Variants in ADAM12 observed in about 807,000 individuals in gnomAD.
ADAM12 encodes the protein disintegrin and metalloproteinase domain-containing protein 12.
A neutral mutation model predicts 106.4 loss-of-function variants in ADAM12; 70 were observed. The observed-to-expected ratio is 0.66, with a 90% CI of 0.54 to 0.80. The LOEUF (loss-of-function observed/expected upper bound fraction) is 0.80. Among genes scored for constraint, ADAM12 ranks in the 30% least tolerant of loss-of-function variants. The pLI, the probability that ADAM12 is intolerant of heterozygous loss-of-function variation, is 0.00. For missense variants in ADAM12, 1,010 were observed against 1,171.9 expected, an observed-to-expected ratio of 0.86 and a Z score of 2.02; for synonymous variants, 420 against 433.5, an observed-to-expected ratio of 0.97 and a Z score of 0.39.
intron 3 of ADAM12, among the ~76,000 whole-genome samples, chr10:126,175,183 C>T (rs1286094314): frequency 6.6e-6 from 1 of 152,158 alleles, no homozygotes; most frequent in Non-Finnish European, 1.5e-5. Context: ...CTGAACAGCA[C>T]AGCACACACG....
At chr10:126,178,070 T>G (rs1327352899) in intron 3 of ADAM12, among the ~76,000 whole-genome samples, 1 of 152,238 alleles carries the variant, frequency 6.6e-6, no homozygotes, top group Non-Finnish European at 1.5e-5. Flanking sequence ...TTTATTTATG[T>G]GATTGTTGAT....
rs368333320 is a variant in ADAM12, at chr10:126,094,826, G to C, written c.997-693C>G. ...GGTGTCCCGATTCTCTGACTCTTGCGGCTGGGGGTTCATTAACCTTTTGCT... is the reference window on the plus strand; with the variant it reads ...GGTGTCCCGATTCTCTGACTCTTGCCGCTGGGGGTTCATTAACCTTTTGCT... On this transcript the variant is annotated intron_variant, in intron 10 of 22. Coordinates refer to ENST00000448723, the MANE Select transcript of ADAM12 (RefSeq NM_001288973.2). Among the ~76,000 whole-genome samples the C allele has an allele frequency of 2.0e-5, 3 of 152,224 alleles. No individual in the cohort carries two copies. The East Asian group carries it at 5.8e-4, about 29-fold the overall frequency.
chr10:126,129,930 C>T (rs1482183132), intron 5 of ADAM12, among the ~76,000 whole-genome samples: 2 of 152,074 alleles, frequency 1.3e-5, no homozygotes, highest in East Asian at 1.9e-4. Flanking sequence ...TTGTTAATTC[C>T]CTCCTTCTTC....
intron 3 of ADAM12, among the ~76,000 whole-genome samples, chr10:126,260,328 T>G (rs989337220): frequency 2.6e-5 from 4 of 152,118 alleles, no homozygotes; most frequent in African/African-American, 9.7e-5. Flanking sequence ...TTCTCATAAA[T>G]CAAAAGTGGT....
chr10:126,031,476 A>G (rs1337140764), intron 21 of ADAM12, among the ~76,000 whole-genome samples: 10 of 152,174 alleles, frequency 6.6e-5, no homozygotes, highest in Non-Finnish European at 1.3e-4. Flanking sequence ...CTGATCTACA[A>G]TCGTGGCTTA....
intron 2 of ADAM12, among the ~76,000 whole-genome samples, chr10:126,316,469 A>T (rs1459385869): frequency 6.6e-6 from 1 of 152,106 alleles, no homozygotes; most frequent in Non-Finnish European, 1.5e-5. Context: ...GAGCCATTCA[A>T]CTCTAAGCCC....
At chr10:126,095,721 G>A (rs1009413415) in intron 10 of ADAM12, among the ~76,000 whole-genome samples, 1 of 151,806 alleles carries the variant, frequency 6.6e-6, no homozygotes, top group Non-Finnish European at 1.5e-5. Context: ...GTGATCCCCC[G>A]CACTGCCTTG....
rs960153831 is a variant in ADAM12, at chr10:126,015,492, G to T, written c.*1787C>A. The T allele has an allele frequency of 6.6e-6, 1 of 152,164 alleles. No individual in the cohort carries two copies. The highest frequency in any genetic ancestry group is 2.4e-5 in the African/African-American group (1 of 41,446). 9.4% of individuals were successfully genotyped at this position (152,164 alleles called of 1,614,324 possible). On this transcript the variant is annotated 3_prime_UTR_variant, in exon 23 of 23. Transcript: ENST00000448723. ...TTCCAGCATGGCTTTACATTTTAAA[G>T]AACTTAATAACTATAGAATAAACAG...
At chr10:126,266,193 C>G (rs1203974247) in intron 3 of ADAM12, among the ~76,000 whole-genome samples, 2 of 152,180 alleles carry the variant, frequency 1.3e-5, no homozygotes, top group Non-Finnish European at 2.9e-5. Flanking sequence ...TTGCACTGCA[C>G]CTCCTGGCCC....
At chr10:126,186,083 GT>G (rs1957394789) in intron 3 of ADAM12, among the ~76,000 whole-genome samples, 1 of 152,162 alleles carries the variant, frequency 6.6e-6, no homozygotes, top group South Asian at 2.1e-4. Context: ...CCTGTCCTGT[GT>G]CCCCAAGGGT....
chr10:126,215,643 C>T (rs1273879010), intron 3 of ADAM12, among the ~76,000 whole-genome samples: 13 of 152,166 alleles, frequency 8.5e-5, no homozygotes, highest in Admixed American at 8.5e-4. Flanking sequence ...AGAGAGCAGG[C>T]ACATCCATTG....
intron 2 of ADAM12, among the ~76,000 whole-genome samples, chr10:126,282,848 A>ATT (rs1959653352): frequency 6.6e-6 from 1 of 151,562 alleles, no homozygotes; most frequent in Non-Finnish European, 1.5e-5. Context: ...GTGGAAGACA[A>ATT]TTTTTCCATG....
chr10:126,296,377 C>T (rs1291400953), intron 2 of ADAM12, among the ~76,000 whole-genome samples: 1 of 152,148 alleles, frequency 6.6e-6, no homozygotes, highest in Non-Finnish European at 1.5e-5. Flanking sequence ...TCAAGCGATC[C>T]TCCCCATTCA....
chr10:126,041,909 G>T (rs1954181344), intron 18 of ADAM12: 2 of 1,409,200 alleles, frequency 1.4e-6, no homozygotes, highest in Admixed American at 6.2e-5. Flanking sequence ...CCATGTTTTA[G>T]CAGAAGCTCA....
chr10:126,049,405 G>T lies in ADAM12; in HGVS notation c.1765C>A (p.Pro589Thr). Residue 589 changes from proline (P) to threonine (T), a missense_variant, in exon 16 of 23, where the codon CCA (proline) becomes ACA (threonine). Coordinates refer to ENST00000448723, the MANE Select transcript of ADAM12 (RefSeq NM_001288973.2). The surrounding 1 kb of genome is among the most constrained non-coding windows in gnomAD (Gnocchi z 4.4). ...KIQCQGGASRPVIGTNAVSIE... is the reference protein window; with the variant it reads ...KIQCQGGASRTVIGTNAVSIE... The stretch of plus-strand genomic sequence containing the variant: ...GAAACGGCATTGGTACCAATGACTG[G>T]CCGGCTGGCACCTCCTTGACACTGG... The T allele has an allele frequency of 6.2e-7, 1 of 1,614,208 alleles. No individual in the cohort carries two copies. The highest frequency in any genetic ancestry group is 8.5e-7 in the Non-Finnish European group (1 of 1,180,040).
chr10:126,025,928 A>G (rs1953864189), intron 21 of ADAM12, among the ~76,000 whole-genome samples: 1 of 152,220 alleles, frequency 6.6e-6, no homozygotes, highest in African/African-American at 2.4e-5. Context: ...TCCCCTACAA[A>G]GGAAAGCCTA....
intron 14 of ADAM12, among the ~76,000 whole-genome samples, chr10:126,059,171 A>G (rs1278269): frequency 0.41 from 61,880 of 151,888 alleles, 12,893 homozygotes; most frequent in East Asian, 0.51. Flanking sequence ...ATGTCATTAT[A>G]TTTTTTTTGA....
chr10:126,060,881 G>A (rs1461415311), intron 14 of ADAM12, among the ~76,000 whole-genome samples: 1 of 152,186 alleles, frequency 6.6e-6, no homozygotes, highest in East Asian at 1.9e-4. Flanking sequence ...CACACAGCAG[G>A]ACATCAACAA....
At chr10:126,106,170 C>T (rs79483099) in intron 8 of ADAM12, among the ~76,000 whole-genome samples, 13,272 of 152,042 alleles carry the variant, frequency 0.087, 1,515 homozygotes, top group African/African-American at 0.26. Flanking sequence ...CATGAGGTCC[C>T]GGGACTCACA....
Sources: gnomAD v4.1 joint callset for allele counts (sites outside exome capture counted in the v4.1 genomes callset) on GRCh38, gnomAD v4.1.1 for gene constraint, Gnocchi (gnomAD v3.1) non-coding constraint, MANE v1.5 for transcripts, NCBI Gene and HGNC (gene_info 2026-07-23, HGNC 2026-07-21) for gene names.